Variants in RNF14 observed in about 807,000 individuals in gnomAD.
RNF14 encodes ring finger protein 14, also known as E3 ubiquitin-protein ligase RNF14.
RNF14 carries 26 observed loss-of-function variants against 52.6 expected under a neutral mutation model. The observed-to-expected ratio is 0.49, with a 90% confidence interval of 0.36 to 0.69. The LOEUF is 0.69. Among genes scored for constraint, RNF14 ranks in the 30% least tolerant of loss-of-function variants. The probability of loss-of-function intolerance (pLI) is 0.00; values close to 1 mark genes in which losing one functional copy is unlikely to be tolerated. For missense variants in RNF14, 404 were observed against 560.4 expected (o/e 0.72, Z 2.82); for synonymous variants, 194 against 202.0 (o/e 0.96, Z 0.34).
upstream of RNF14, chr5:141,955,579 G>A (rs1223624789): frequency 2.5e-6 from 4 of 1,614,054 alleles, no homozygotes; most frequent in African/African-American, 5.3e-5. This position sits in a 1 kb window ranked among gnomAD's most constrained non-coding sequence, Gnocchi z 5.5. Flanking sequence ...CTGGCGGTAG[G>A]TGGACTCGGC....
At chr5:141,987,644 TAA>T (rs1218054039) in intron 8 of RNF14, 87 bp from the exon 9 acceptor site, 36 of 1,258,340 alleles carry the variant, frequency 2.9e-5, no homozygotes, top group Non-Finnish European at 3.7e-5. Context: ...AAAGATGTTA[TAA>T]GAGTACAAAA....
rs753386817 is a variant in RNF14 at position 141,984,912 on chromosome 5, C to G, written c.1346C>G (p.Pro449Arg). 6.8e-6 allele frequency: 11 copies of G among 1,613,940 alleles called. No individual in the cohort carries two copies. Among genetic ancestry groups the G allele is most frequent in the Middle Eastern group, 1.7e-4 (1 of 6,058 alleles). ...AACCCTTACAAACATTTCAATGACCCTGGTTCACCATGTTTTAACCGGTAT... is the reference window on the plus strand; with the variant it reads ...AACCCTTACAAACATTTCAATGACCGTGGTTCACCATGTTTTAACCGGTAT... ...RANPYKHFND[P>R]GSPCFNRLFY... is the part of the protein sequence containing the mutation. The change falls in exon 8 of 9, where the codon CCT (proline) becomes CGT (arginine). Residue 449 changes from proline to arginine, a missense_variant. Coordinates refer to ENST00000394520, the MANE Select transcript of RNF14 (RefSeq NM_004290.5).
intron 2 of RNF14, among the ~76,000 whole-genome samples, chr5:141,972,615 G>A (rs1451232603): frequency 6.6e-6 from 1 of 151,994 alleles, no homozygotes; most frequent in East Asian, 1.9e-4. Context: ...TTTTGAGACA[G>A]AGTCTGACTC....
At chr5:141,956,670 G>T (rs150994175), upstream of RNF14, 138 of 1,614,210 alleles carry the variant, frequency 8.5e-5, no homozygotes, top group Middle Eastern at 8.2e-4. Context: ...CCAGCTCTTG[G>T]CTCAGCCAGC....
At chr5:141,962,592 T>C (rs147764942), upstream of RNF14, among the ~76,000 whole-genome samples, 107 of 152,218 alleles carry the variant, frequency 7.0e-4, no homozygotes, top group African/African-American at 2.4e-3. Flanking sequence ...TCTGAGAAAA[T>C]TCTGGAGAGC....
intron 4 of RNF14, 88 bp downstream of exon 4, chr5:141,975,043 C>A: frequency 7.2e-7 from 1 of 1,380,226 alleles, no homozygotes; most frequent in Non-Finnish European, 1.0e-6. Context: ...ATCTTGAATT[C>A]AGTGCATGAA....
chr5:141,958,176 G>T, upstream of RNF14: 1 of 285,818 alleles, frequency 3.5e-6, no homozygotes, highest in Non-Finnish European at 6.6e-6. Context: ...GCAGGATGTG[G>T]GACTCTGACT....
At position 141,984,784 on chromosome 5, in the gene RNF14, T is replaced by C; in HGVS notation, c.1237-19T>C. 2.5e-6 allele frequency: 4 copies of C among 1,612,906 alleles called. No individual in the cohort carries two copies. Among genetic ancestry groups the C allele is most frequent in the Non-Finnish European group, 2.5e-6 (3 of 1,178,982 alleles). On this transcript the variant is annotated intron_variant, in intron 7 of 8. Transcript: ENST00000394520. ...CTTTTACAGCCTTGATATTTTTCTC[T>C]TTCTATCCTTCCCACCAGAAATTAG...
intron 7 of RNF14, among the ~76,000 whole-genome samples, chr5:141,984,012 C>T (rs941556935): frequency 6.6e-6 from 1 of 151,772 alleles, no homozygotes; most frequent in Admixed American, 6.6e-5. Flanking sequence ...CAAAATACAT[C>T]TTAGCATTTG....
upstream of RNF14, chr5:141,958,024 A>G: frequency 1.4e-6 from 1 of 715,094 alleles, no homozygotes; most frequent in Non-Finnish European, 2.2e-6. Flanking sequence ...CCCCAAGGCA[A>G]GGCCATCTTC....
In RNF14 at chr5:141,979,228, TGGTGGTGTTG is replaced by T. The variant is rs1561552654; in HGVS notation, c.834+399_834+408del. Among the ~76,000 whole-genome samples the T allele has an allele frequency of 1.4e-4, 10 of 71,470 alleles. No homozygotes were observed. In the South Asian group the frequency reaches 2.3e-3, roughly 17 times the overall value. The allele number at this position is 71,470 out of a possible 152,430, so 46.9% of individuals were successfully genotyped here. A position where few individuals can be genotyped will look rare whatever the true frequency, so the allele number is the denominator to read the frequency against. On this transcript the variant is annotated intron_variant, in intron 5 of 8. Coordinates refer to ENST00000394520, the MANE Select transcript of RNF14 (RefSeq NM_004290.5). Reference sequence around the variant, plus strand: ...GCAGAAGTACAGCCTACTTAGGTGGTGGTGGTGTTGTTGTTGTTGTTGTTGTTGTTGTTTT... The same window carrying T: ...GCAGAAGTACAGCCTACTTAGGTGGTTTGTTGTTGTTGTTGTTGTTGTTTT...
rs1427053772 is a variant in RNF14, at chr5:141,974,703, C to T, written c.155-101C>T. On this transcript the variant is annotated intron_variant, in intron 3 of 8. Transcript: ENST00000394520. ...AGTGCTTTGGGGGAGGGTTTTTATTCCCTCAACTAAAGCATTAAGTCTTTC... is the reference window on the plus strand; with the variant it reads ...AGTGCTTTGGGGGAGGGTTTTTATTTCCTCAACTAAAGCATTAAGTCTTTC... 5.6e-5 allele frequency: 63 copies of T among 1,122,678 alleles called. No individual in the cohort carries two copies. The South Asian group carries it at 9.3e-4, about 16-fold the overall frequency. The allele number at this position is 1,122,678 out of a possible 1,614,324, so 69.5% of individuals were successfully genotyped here.
intron 6 of RNF14, among the ~76,000 whole-genome samples, chr5:141,980,619 A>T (rs1754681053): frequency 6.6e-6 from 1 of 152,234 alleles, no homozygotes; most frequent in African/African-American, 2.4e-5. Flanking sequence ...AGGCAGAAGA[A>T]ATAAAGCAAG....
At chr5:141,973,429 G>T (rs566975649) in intron 2 of RNF14, among the ~76,000 whole-genome samples, 154 bp from the exon 3 acceptor site, 1 of 152,074 alleles carries the variant, frequency 6.6e-6, no homozygotes, top group African/African-American at 2.4e-5. Context: ...GCAGAGATGG[G>T]GTTTCACCAT....
rs1052840886 is a variant in RNF14 at position 141,970,758 on chromosome 5, C to A, written c.-126C>A. 1.3e-5 allele frequency: 2 copies of A among 152,182 alleles called. No homozygotes were observed. The highest frequency in any genetic ancestry group is 3.8e-4 in the East Asian group (2 of 5,332). 9.4% of individuals were successfully genotyped at this position (152,182 alleles called of 1,614,324 possible). ...TGAGTTCCACATCTTGGCCTCTTAC[C>A]CAGCTTCAGCAGTCTCAGCTCCACC... On this transcript the variant is annotated 5_prime_UTR_variant, in exon 2 of 9. Transcript: ENST00000394520.
chr5:141,981,254 A>G (rs1049731656), intron 6 of RNF14, among the ~76,000 whole-genome samples: 7 of 152,220 alleles, frequency 4.6e-5, no homozygotes, highest in African/African-American at 1.7e-4. Context: ...AGAAACTTTT[A>G]TAGTGATTTC....
rs185147031 is a variant in RNF14 at position 141,982,515 on chromosome 5, T to A, written c.1064-865T>A. On this transcript the variant is annotated intron_variant, in intron 6 of 8. Coordinates refer to ENST00000394520, the MANE Select transcript of RNF14 (RefSeq NM_004290.5). Reference sequence around the variant, plus strand: ...TAAACTGATAAAATAACTAGAACATTGTTGAGAAAACTCTTTAATTAATTG... The same window carrying A: ...TAAACTGATAAAATAACTAGAACATAGTTGAGAAAACTCTTTAATTAATTG... 2.6e-5 allele frequency: 4 copies of A among 152,348 alleles called. No homozygotes were observed. The East Asian group carries it at 7.7e-4, about 29-fold the overall frequency. 9.4% of individuals were successfully genotyped at this position (152,348 alleles called of 1,614,324 possible). A position where few individuals can be genotyped will look rare whatever the true frequency, so the allele number is the denominator to read the frequency against.
chr5:141,973,274 T>C (rs1021182625), intron 2 of RNF14, among the ~76,000 whole-genome samples: 30 of 151,624 alleles, frequency 2.0e-4, no homozygotes, highest in African/African-American at 7.0e-4. Flanking sequence ...GTTTCACTCT[T>C]GTCGCCCAGG....
Position 141,983,532 on chromosome 5 carries a change from T to G in RNF14, c.1216T>G (p.Cys406Gly), listed in dbSNP as rs1428873389. 1 of 1,611,404 alleles carries G rather than the reference T, an allele frequency of 6.2e-7. No individual in the cohort carries two copies. The highest frequency in any genetic ancestry group is 1.1e-5 in the South Asian group (1 of 90,888). Residue 406 changes from cysteine (C) to glycine (G), a missense_variant, in exon 7 of 9, where the codon TGT (cysteine) becomes GGT (glycine). Coordinates refer to ENST00000394520, the MANE Select transcript of RNF14 (RefSeq NM_004290.5). ...AGAGAAGAACTCAAAGAGCTGCCCATGTTGTGGAACTCCCATAGAGGTAAA... is the reference window on the plus strand; with the variant it reads ...AGAGAAGAACTCAAAGAGCTGCCCAGGTTGTGGAACTCCCATAGAGGTAAA... ...WLEKNSKSCP[C>G]CGTPIEKLDG...
Sources: gnomAD v4.1 joint callset for allele counts (sites outside exome capture counted in the v4.1 genomes callset) on GRCh38, gnomAD v4.1.1 for gene constraint, Gnocchi (gnomAD v3.1) non-coding constraint, MANE v1.5 for transcripts, NCBI Gene and HGNC (gene_info 2026-07-23, HGNC 2026-07-21) for gene names.